The following OSBPL1A variants were observed in gnomAD, a reference collection of about 807,000 sequenced individuals.
The protein encoded by OSBPL1A is oxysterol binding protein like 1A.
Under a neutral mutation model 137.1 loss-of-function variants are expected in OSBPL1A, and 80 were observed. That is an observed-to-expected ratio of 0.58 (90% CI 0.49 to 0.70). OSBPL1A has a LOEUF of 0.70. Ranked by LOEUF, OSBPL1A falls within the 30% of genes least tolerant of loss-of-function variation. The probability of loss-of-function intolerance (pLI) is 0.00; values close to 1 mark genes in which losing one functional copy is unlikely to be tolerated. For missense variants in OSBPL1A, 970 were observed against 1,129.4 expected (o/e 0.86, Z 2.02); for synonymous variants, 365 against 389.7 (o/e 0.94, Z 0.75).
intron 7 of OSBPL1A, among the ~76,000 whole-genome samples, chr18:24,326,625 C>G (rs1367014846): frequency 6.6e-6 from 1 of 152,232 alleles, no homozygotes; most frequent in Non-Finnish European, 1.5e-5. Context: ...GACAGACACA[C>G]AAGGCAGCCA....
intron 18 of OSBPL1A, among the ~76,000 whole-genome samples, chr18:24,183,971 T>C (rs1376573043): frequency 6.6e-6 from 1 of 152,196 alleles, no homozygotes; most frequent in Non-Finnish European, 1.5e-5. Context: ...TTAAACCCTG[T>C]GCCAGTTCCC....
In OSBPL1A at chr18:24,182,168, C is replaced by T. The variant is rs553578176; in HGVS notation, c.1678-889G>A. ...TATGGTCTAGGGTACTAGCAGGCTA[C>T]TGCATATTTTACAGAATAGATTTTA... On this transcript the variant is annotated intron_variant, in intron 18 of 27. Transcript: ENST00000319481. Among the ~76,000 whole-genome samples, 4 of 152,274 alleles carry T rather than the reference C, an allele frequency of 2.6e-5. No individual in the cohort carries two copies. The South Asian group carries it at 8.3e-4, about 32-fold the overall frequency.
At chr18:24,296,898 T>C (rs1267652667) in intron 14 of OSBPL1A, among the ~76,000 whole-genome samples, 1 of 152,204 alleles carries the variant, frequency 6.6e-6, no homozygotes, top group Non-Finnish European at 1.5e-5. Context: ...TGGATTCAAT[T>C]AGCTAGTATT....
At chr18:24,351,272 C>G (rs1325900813) in intron 4 of OSBPL1A, among the ~76,000 whole-genome samples, 2 of 144,490 alleles carry the variant, frequency 1.4e-5, no homozygotes, top group Non-Finnish European at 3.0e-5. Flanking sequence ...TCCTTTGAAC[C>G]CGGGAGGCAA....
intron 15 of OSBPL1A, among the ~76,000 whole-genome samples, chr18:24,244,601 G>A (rs2088824855): frequency 6.6e-6 from 1 of 152,224 alleles, no homozygotes; most frequent in African/African-American, 2.4e-5. Context: ...ATCTGTGTCT[G>A]TAGCCCCTTA....
chr18:24,247,470 G>T (rs183483774), intron 15 of OSBPL1A, among the ~76,000 whole-genome samples: 2 of 152,032 alleles, frequency 1.3e-5, no homozygotes, highest in Non-Finnish European at 2.9e-5. Context: ...TGGACAAGAG[G>T]TGTTTGTTTG....
intron 7 of OSBPL1A, among the ~76,000 whole-genome samples, chr18:24,326,447 G>A (rs964820194): frequency 6.6e-6 from 1 of 152,208 alleles, no homozygotes; most frequent in Non-Finnish European, 1.5e-5. Context: ...AGGCACAGAC[G>A]CCTGACACAA....
intron 25 of OSBPL1A, 133 bp downstream of exon 25, chr18:24,167,196 G>A (rs1480408014): frequency 1.5e-5 from 11 of 755,468 alleles, no homozygotes; most frequent in East Asian, 5.0e-5. Flanking sequence ...GGGAGCACCC[G>A]GGAGCCAGTG....
chr18:24,277,281 G>T (rs1422178101), intron 15 of OSBPL1A, among the ~76,000 whole-genome samples: 1 of 141,970 alleles, frequency 7.0e-6, no homozygotes, highest in Non-Finnish European at 1.6e-5. Context: ...TCTGACAAGG[G>T]CTTGTAAAAA....
chr18:24,358,339 T>G, intron 4 of OSBPL1A: 1 of 628,250 alleles, frequency 1.6e-6, no homozygotes. Flanking sequence ...TCATCTCCTC[T>G]GCAAAGCTTC....
intron 26 of OSBPL1A, 80 bp from the exon 27 acceptor site, chr18:24,165,235 C>G (rs1036557692): frequency 8.2e-7 from 1 of 1,224,866 alleles, no homozygotes; most frequent in Admixed American, 1.9e-5. Context: ...AAGAACTTCA[C>G]AAAAGAACCA....
intron 17 of OSBPL1A, among the ~76,000 whole-genome samples, chr18:24,211,631 T>C (rs978144176): frequency 7.6e-4 from 115 of 150,816 alleles, no homozygotes; most frequent in Non-Finnish European, 8.6e-4. Context: ...TTTTTCCCAG[T>C]GCAGATTTAA....
chr18:24,326,931 C>T (rs1410365758), intron 7 of OSBPL1A, among the ~76,000 whole-genome samples: 3 of 152,062 alleles, frequency 2.0e-5, no homozygotes, highest in Non-Finnish European at 4.4e-5. Flanking sequence ...CTCATTGCAA[C>T]TATAACAAGC....
At chr18:24,235,088 T>G (rs1384837900) in intron 16 of OSBPL1A, among the ~76,000 whole-genome samples, 1 of 152,190 alleles carries the variant, frequency 6.6e-6, no homozygotes, top group African/African-American at 2.4e-5. Context: ...AGTTTCATTT[T>G]AAGTGCAATG....
intron 27 of OSBPL1A, among the ~76,000 whole-genome samples, chr18:24,163,825 C>T (rs1316958144): frequency 2.0e-5 from 3 of 151,986 alleles, no homozygotes; most frequent in South Asian, 2.1e-4. Context: ...CTCTGCCTCC[C>T]GGGTGAAAGC....
intron 21 of OSBPL1A, among the ~76,000 whole-genome samples, chr18:24,173,374 C>T (rs1036568638): frequency 6.6e-6 from 1 of 151,996 alleles, no homozygotes; most frequent in African/African-American, 2.4e-5. Context: ...GCACATGTAC[C>T]CCCAAACCTA....
At chr18:24,245,572 G>A (rs2088857274) in intron 15 of OSBPL1A, among the ~76,000 whole-genome samples, 1 of 152,152 alleles carries the variant, frequency 6.6e-6, no homozygotes, top group African/African-American at 2.4e-5. Flanking sequence ...TAAGGTAGAG[G>A]AGGATGGAGC....
Position 24,280,651 on chromosome 18 carries a change from A to G in OSBPL1A, c.1281+191T>C, listed in dbSNP as rs548071612. On this transcript the variant is annotated intron_variant, in intron 15 of 27. Transcript: ENST00000319481. ...GGCTACATCAACAAATTCAAAAGAT[A>G]TGAACACAAGTTATTTCATCCTGCT... is the stretch of plus-strand genomic sequence containing the variant. Among the ~76,000 whole-genome samples the G allele has an allele frequency of 4.6e-5, 7 of 152,368 alleles. No individual in the cohort carries two copies. The South Asian group carries it at 1.4e-3, about 32-fold the overall frequency.
chr18:24,271,367 T>G lies in OSBPL1A; in HGVS notation c.1281+9475A>C, dbSNP rs1371130387. 3.3e-5 allele frequency among the ~76,000 whole-genome samples: 5 copies of G among 152,202 alleles called. No homozygotes were observed. Among genetic ancestry groups the G allele is most frequent in the Non-Finnish European group, 7.3e-5 (5 of 68,030 alleles). On this transcript the variant is annotated intron_variant, in intron 15 of 27. Coordinates refer to ENST00000319481, the MANE Select transcript of OSBPL1A (RefSeq NM_080597.4). This position sits in a 1 kb window ranked among gnomAD's most constrained non-coding sequence, Gnocchi z 4.0. ...GAAACACATCAGTCCACGGGCTTTT[T>G]CCCCAGGGGCTCTTCCTGCAGGAAC... is the stretch of plus-strand genomic sequence containing the variant.
Sources: gnomAD v4.1 joint callset for allele counts (sites outside exome capture counted in the v4.1 genomes callset) on GRCh38, gnomAD v4.1.1 for gene constraint, Gnocchi (gnomAD v3.1) non-coding constraint, MANE v1.5 for transcripts, NCBI Gene and HGNC (gene_info 2026-07-23, HGNC 2026-07-21) for gene names.